The following IL37 variants were observed in gnomAD, a reference collection of about 807,000 sequenced individuals.
IL37 encodes interleukin-37.
IL37 carries 15 observed loss-of-function variants against 15.4 expected under a neutral mutation model. That is an observed-to-expected ratio of 0.98 (90% CI 0.65 to 1.50). The LOEUF is 1.50. Ranked by LOEUF, IL37 falls within the 40% of genes most tolerant of loss-of-function variation. IL37 has a pLI of 0.00. For synonymous variants in IL37, 98 were observed against 97.4 expected, an observed-to-expected ratio of 1.01 and a Z score of -0.03; for missense variants, 269 against 261.7, an observed-to-expected ratio of 1.03 and a Z score of -0.19.
rs767519952 is a variant in IL37, at chr2:112,918,658, C to T, written c.506C>T (p.Ser169Leu). Residue 169 changes from serine to leucine, a missense_variant, in exon 6 of 6, where the codon TCG becomes TTG. Physicochemically the swap from Ser to Leu is moderately radical, Grantham distance 145. Transcript: ENST00000263326. ...GTGGGCTCCTGGAACATGCTGGAGTCGGCGGCTCACCCCGGATGGTTCATC... is the reference window on the plus strand; with the variant it reads ...GTGGGCTCCTGGAACATGCTGGAGTTGGCGGCTCACCCCGGATGGTTCATC... The part of the protein sequence containing the change: ...AQVGSWNMLE[S>L]AAHPGWFICT... The T allele has an allele frequency of 9.3e-6, 15 of 1,614,112 alleles. No homozygotes were observed. Among genetic ancestry groups the T allele is most frequent in the Non-Finnish European group, 1.1e-5 (13 of 1,180,024 alleles).
intron 3 of IL37, among the ~76,000 whole-genome samples, chr2:112,914,157 A>G (rs1274586929): frequency 6.6e-6 from 1 of 151,836 alleles, no homozygotes; most frequent in Non-Finnish European, 1.5e-5. Flanking sequence ...GGAGACACAG[A>G]CCTCCTCCCA....
chr2:112,917,318 C>T, intron 4 of IL37, 70 bp downstream of exon 4: 1 of 1,546,352 alleles, frequency 6.5e-7, no homozygotes, highest in African/African-American at 1.4e-5. Context: ...TAGGTGGGCT[C>T]AACTCCATGC....
chr2:112,918,382 G>T (rs2723191), intron 5 of IL37, among the ~76,000 whole-genome samples, 179 bp from the exon 6 acceptor site: 137,805 of 151,964 alleles, frequency 0.91, 63,749 homozygotes, highest in Non-Finnish European at 1. Context: ...AAAGAGGGCA[G>T]GATTGCTTAT....
Position 112,913,001 on chromosome 2 carries a change from T to C in IL37, c.-12T>C. On this transcript the variant is annotated 5_prime_UTR_variant, in exon 2 of 6. Coordinates refer to ENST00000263326, the MANE Select transcript of IL37 (RefSeq NM_014439.4). ...TTCCATTTTCTGTTGAGTAATAAACTCAACGTTGAAAATGTCCTTTGTGGG... is the reference window on the plus strand; with the variant it reads ...TTCCATTTTCTGTTGAGTAATAAACCCAACGTTGAAAATGTCCTTTGTGGG... 1.3e-6 allele frequency: 2 copies of C among 1,571,674 alleles called. No homozygotes were observed. Among genetic ancestry groups the C allele is most frequent in the African/African-American group, 1.4e-5 (1 of 72,018 alleles).
intron 3 of IL37, chr2:112,915,378 T>A: frequency 5.0e-6 from 4 of 806,888 alleles, no homozygotes; most frequent in Non-Finnish European, 8.0e-6. Flanking sequence ...TCCATGGTCT[T>A]AAAATGCCAC....
At position 112,912,959 on chromosome 2, in the gene IL37, T is replaced by A; in HGVS notation, c.-50-4T>A. On this transcript the variant is annotated splice_polypyrimidine_tract_variant and splice_region_variant and intron_variant, in intron 1 of 5. Transcript: ENST00000263326. ...CATAACTGGTCCCCTTTCTATCTCCTTAGGTCTTGGACTTCATTCCATTTT... is the reference window on the plus strand; with the variant it reads ...CATAACTGGTCCCCTTTCTATCTCCATAGGTCTTGGACTTCATTCCATTTT... The A allele has an allele frequency of 2.2e-6, 3 of 1,360,904 alleles. No homozygotes were observed. The South Asian group carries it at 3.9e-5, about 18-fold the overall frequency. The allele number at this position is 1,360,904 out of a possible 1,614,324, so 84.3% of individuals were successfully genotyped here.
chr2:112,915,226 A>G, intron 3 of IL37: 1 of 1,614,082 alleles, frequency 6.2e-7, no homozygotes, highest in Non-Finnish European at 8.5e-7. Context: ...AACAGAAACC[A>G]AAGGAAAGAA....
In IL37 at chr2:112,915,082, C is replaced by G. The variant is rs1168442621; in HGVS notation, c.145+1228C>G. On this transcript the variant is annotated intron_variant, in intron 3 of 5. Coordinates refer to ENST00000263326, the MANE Select transcript of IL37 (RefSeq NM_014439.4). ...GAAAACAACTGCCAGCACCTTAAGA[C>G]CACTCACACCTTCAGAGTGGCCTTG... 11 of 923,714 alleles carry G rather than the reference C, an allele frequency of 1.2e-5. No homozygotes were observed. The Admixed American group carries it at 1.8e-4, about 15-fold the overall frequency. The allele number at this position is 923,714 out of a possible 1,614,324, so 57.2% of individuals were successfully genotyped here.
intron 3 of IL37, among the ~76,000 whole-genome samples, chr2:112,916,789 C>A (rs897079455): frequency 6.6e-6 from 1 of 152,202 alleles, no homozygotes; most frequent in Non-Finnish European, 1.5e-5. Context: ...CATTTTAGTT[C>A]TCATAACTCC....
rs1683386480 is a variant in IL37, at chr2:112,918,770, T to C, written c.618T>C (p.Val206=). Residue 206 remains valine, a synonymous_variant, in exon 6 of 6, where the codon GTT becomes GTC. Transcript: ENST00000263326. ...ACATTGAATTTTCATTTCAACCAGT[T>C]TGCAAAGCTGAAATGAGCCCCAGTG... is the stretch of plus-strand genomic sequence containing the variant. The part of the protein sequence containing the change: ...RKHIEFSFQP[V]CKAEMSPSEV... The C allele has an allele frequency of 1.2e-6, 2 of 1,614,094 alleles. No individual in the cohort carries two copies. The highest frequency in any genetic ancestry group is 1.7e-6 in the Non-Finnish European group (2 of 1,180,016).
Position 112,911,266 on chromosome 2 carries a change from A to G in IL37, c.-51+18A>G, listed in dbSNP as rs2708966. ...TGGCCCAGGTAGGTGGTCCTCCTGCACTGGCTTTCAAGGCCAACAGGATGG... is the reference window on the plus strand; with the variant it reads ...TGGCCCAGGTAGGTGGTCCTCCTGCGCTGGCTTTCAAGGCCAACAGGATGG... On this transcript the variant is annotated intron_variant, in intron 1 of 5. Transcript: ENST00000263326. Among the ~76,000 whole-genome samples the G allele has an allele frequency of 0.099, 15,103 of 152,202 alleles. 987 individuals carry two copies. Among genetic ancestry groups the G allele is most frequent in the African/African-American group, 0.17 (7,218 of 41,504 alleles).
chr2:112,913,738 A>G (rs1249157940), intron 2 of IL37, 54 bp from the exon 3 acceptor site: 3 of 1,469,722 alleles, frequency 2.0e-6, no homozygotes, highest in East Asian at 4.5e-5. Context: ...TGATACCCCT[A>G]AATCCTTGGA....
rs1161075967 is a variant in IL37, at chr2:112,915,094, TC to T, written c.145+1241del. On this transcript the variant is annotated intron_variant, in intron 3 of 5. Coordinates refer to ENST00000263326, the MANE Select transcript of IL37 (RefSeq NM_014439.4). The stretch of plus-strand genomic sequence containing the variant: ...CAGCACCTTAAGACCACTCACACCT[TC>T]AGAGTGGCCTTGAGAAAGATTTGGG... The T allele has an allele frequency of 7.2e-6, 8 of 1,111,210 alleles. No individual in the cohort carries two copies. In the Admixed American group the frequency reaches 1.2e-4, roughly 16 times the overall value. The allele number at this position is 1,111,210 out of a possible 1,614,324, so 68.8% of individuals were successfully genotyped here. A position where few individuals can be genotyped will look rare whatever the true frequency, so the allele number is the denominator to read the frequency against.
At chr2:112,916,564 G>A (rs552004076) in intron 3 of IL37, among the ~76,000 whole-genome samples, 8 of 152,230 alleles carry the variant, frequency 5.3e-5, no homozygotes, top group African/African-American at 1.9e-4. Context: ...GGGCTCCTGG[G>A]GGCTTCCTGC....
At chr2:112,916,838 A>G (rs1683323340) in intron 3 of IL37, among the ~76,000 whole-genome samples, 1 of 152,226 alleles carries the variant, frequency 6.6e-6, no homozygotes, top group African/African-American at 2.4e-5. Context: ...CATTTCACAG[A>G]TGAGGACATT....
In IL37 at chr2:112,918,750, G is replaced by C; in HGVS notation, c.598G>C (p.Glu200Gln). 6.2e-7 allele frequency: 1 copy of C among 1,614,142 alleles called. No homozygotes were observed. The highest frequency in any genetic ancestry group is 8.5e-7 in the Non-Finnish European group (1 of 1,180,034). ...TAAATTTGAGAACAGGAAACACATT[G>C]AATTTTCATTTCAACCAGTTTGCAA... ...TDKFENRKHI[E>Q]FSFQPVCKAE... Residue 200 changes from glutamate to glutamine, a missense_variant, in exon 6 of 6, where the codon GAA becomes CAA. Transcript: ENST00000263326.
chr2:112,913,176 A>T, intron 2 of IL37, 82 bp downstream of exon 2: 2 of 880,352 alleles, frequency 2.3e-6, no homozygotes, highest in Non-Finnish European at 3.4e-6. Flanking sequence ...GCACAGACCC[A>T]GTTGTTTCCT....
chr2:112,915,145 C>A lies in IL37; in HGVS notation c.145+1291C>A, dbSNP rs778527739. 13 of 1,555,704 alleles carry A rather than the reference C, an allele frequency of 8.4e-6. No individual in the cohort carries two copies. The South Asian group carries it at 1.5e-4, about 17-fold the overall frequency. On this transcript the variant is annotated intron_variant, in intron 3 of 5. Coordinates refer to ENST00000263326, the MANE Select transcript of IL37 (RefSeq NM_014439.4). The stretch of plus-strand genomic sequence containing the variant: ...GGTCAAGGATCATGAGCGAGAACAC[C>A]ACTTAAGAGGATAGTGAACTAGTCT...
intron 3 of IL37, chr2:112,915,117 TGG>T: frequency 7.2e-7 from 1 of 1,387,506 alleles, no homozygotes. Context: ...GAGAAAGATT[TGG>T]GGTCAAGGAT....
Sources: gnomAD v4.1 joint callset for allele counts (sites outside exome capture counted in the v4.1 genomes callset) on GRCh38, gnomAD v4.1.1 for gene constraint, MANE v1.5 for transcripts, NCBI Gene and HGNC (gene_info 2026-07-23, HGNC 2026-07-21) for gene names.